Variants in DENND2B observed in about 807,000 individuals in gnomAD.
DENND2B encodes DENN domain-containing protein 2B.
In DENND2B, 32 loss-of-function variants were observed where a neutral mutation model predicts 116.0. The ratio of observed to expected loss-of-function variants is 0.28; its 90% CI spans 0.21 to 0.37. The LOEUF (loss-of-function observed/expected upper bound fraction) is 0.37, where lower values mean the gene tolerates loss of function less well. DENND2B is among the 10% of genes least tolerant of loss of function. The probability of loss-of-function intolerance (pLI) is 1.00; values close to 1 mark genes in which losing one functional copy is unlikely to be tolerated. For missense variants in DENND2B, 1,276 were observed against 1,477.7 expected (o/e 0.86, Z 2.24); for synonymous variants, 588 against 583.9 (o/e 1.01, Z -0.10).
At chr11:8,774,846 GTCT>G (rs1328918224) in intron 1 of DENND2B, among the ~76,000 whole-genome samples, 5 of 151,254 alleles carry the variant, frequency 3.3e-5, no homozygotes, top group Admixed American at 3.3e-4. Flanking sequence ...CCCTATCTAG[GTCT>G]TCTTATTTTT....
chr11:8,743,780 T>C (rs920402779), intron 2 of DENND2B, among the ~76,000 whole-genome samples: 19 of 151,274 alleles, frequency 1.3e-4, no homozygotes, highest in African/African-American at 4.6e-4. Flanking sequence ...TGAAACAAAG[T>C]CTGGCCCCCA....
chr11:8,721,430 T>G (rs78667995), intron 4 of DENND2B, among the ~76,000 whole-genome samples: 1 of 152,208 alleles, frequency 6.6e-6, no homozygotes, highest in African/African-American at 2.4e-5. Context: ...ACTGAGAATT[T>G]CTCCAAACAC....
chr11:8,738,260 G>A (rs1454472344), intron 2 of DENND2B, among the ~76,000 whole-genome samples: 2 of 152,144 alleles, frequency 1.3e-5, no homozygotes, highest in South Asian at 2.1e-4. Flanking sequence ...GCTGCTTTAC[G>A]CTTCAGTTGA....
rs759623023 is a variant in DENND2B at position 8,750,579 on chromosome 11, A to G, written c.80+42T>C. On this transcript the variant is annotated intron_variant, in intron 2 of 19. Coordinates refer to ENST00000313726, the MANE Select transcript of DENND2B (RefSeq NM_213618.2). The stretch of plus-strand genomic sequence containing the variant: ...TTTGGAGGGATCCCACCCAGGACCT[A>G]GGTCCCTTGATGCCACCTCCCACAA... 5 of 1,550,006 alleles carry G rather than the reference A, an allele frequency of 3.2e-6. No individual in the cohort carries two copies. The Admixed American group carries it at 8.4e-5, about 26-fold the overall frequency.
At chr11:8,889,265 G>T (rs148538379) in intron 1 of DENND2B, among the ~76,000 whole-genome samples, 1 of 152,218 alleles carries the variant, frequency 6.6e-6, no homozygotes, top group East Asian at 1.9e-4. Flanking sequence ...TGGACAGGTG[G>T]TTCCAAGATG....
chr11:8,743,445 G>A (rs1197672502), intron 2 of DENND2B, among the ~76,000 whole-genome samples: 1 of 152,106 alleles, frequency 6.6e-6, no homozygotes, highest in Admixed American at 6.5e-5. Context: ...AGCTACTTGG[G>A]AGGCTGAGGC....
Position 8,711,130 on chromosome 11 carries a change from C to T in DENND2B, c.2274G>A (p.Glu758=). The T allele has an allele frequency of 6.2e-7, 1 of 1,614,144 alleles. No individual in the cohort carries two copies. Among genetic ancestry groups the T allele is most frequent in the Non-Finnish European group, 8.5e-7 (1 of 1,180,002 alleles). The change falls in exon 10 of 20, where the codon GAG becomes GAA. Residue 758 remains glutamate (E), a synonymous_variant. Coordinates refer to ENST00000313726, the MANE Select transcript of DENND2B (RefSeq NM_213618.2). ...PDAKDWLPVS[E]YSSETFSFML... ...GCCAGGCCAGGCCTCACCTGCTATA[C>T]TCTGACACAGGAAGCCAGTCCTTGG... is the stretch of plus-strand genomic sequence containing the variant.
chr11:8,761,390 C>G (rs1406169724), intron 1 of DENND2B, among the ~76,000 whole-genome samples: 1 of 152,184 alleles, frequency 6.6e-6, no homozygotes, highest in Non-Finnish European at 1.5e-5. Context: ...AAAAACCCTG[C>G]TCCTGGGGAC....
chr11:8,714,463 C>A (rs1592592226), intron 7 of DENND2B, 147 bp downstream of exon 7: 1 of 691,414 alleles, frequency 1.4e-6, no homozygotes, highest in Non-Finnish European at 2.4e-6. Flanking sequence ...AGGAACCCAT[C>A]CCAGACCTTT....
intron 1 of DENND2B, among the ~76,000 whole-genome samples, chr11:8,897,103 A>T (rs183797544): frequency 0.047 from 6,484 of 137,024 alleles, 152 homozygotes; most frequent in Middle Eastern, 0.065. Flanking sequence ...TTTTTTTTTT[A>T]AAAACTAGCC....
chr11:8,713,199 C>T (rs960411870), intron 8 of DENND2B, among the ~76,000 whole-genome samples: 5 of 152,144 alleles, frequency 3.3e-5, no homozygotes, highest in African/African-American at 1.2e-4. Context: ...GTAGAGAAAG[C>T]ACAAAGATTT....
At chr11:8,744,479 G>A (rs1021153959) in intron 2 of DENND2B, among the ~76,000 whole-genome samples, 3 of 152,244 alleles carry the variant, frequency 2.0e-5, no homozygotes, top group African/African-American at 7.2e-5. Context: ...GGAGTAAAAA[G>A]AGCAGAGATA....
intron 5 of DENND2B, 146 bp downstream of exon 5, chr11:8,717,595 C>T (rs781260232): frequency 8.2e-5 from 77 of 933,884 alleles, no homozygotes; most frequent in Admixed American, 2.3e-4. Flanking sequence ...AGATCGGGCA[C>T]GTTCAGGGTG....
upstream of DENND2B, chr11:8,810,836 C>T (rs918597414): frequency 6.5e-6 from 1 of 153,042 alleles, no homozygotes; most frequent in African/African-American, 2.4e-5. Flanking sequence ...CTCTCTCTCT[C>T]TCTCAGTTCT....
chr11:8,768,850 T>C (rs1327633500), intron 1 of DENND2B: 1 of 152,324 alleles, frequency 6.6e-6, no homozygotes, highest in African/African-American at 2.4e-5. Flanking sequence ...CTCTTGTATA[T>C]TTTCATATTT....
intron 2 of DENND2B, among the ~76,000 whole-genome samples, chr11:8,735,538 T>C (rs1703938424): frequency 6.6e-6 from 1 of 152,268 alleles, no homozygotes; most frequent in South Asian, 2.1e-4. Context: ...CTGCGTATCA[T>C]TGGCCCATCC....
Position 8,714,750 on chromosome 11 carries a change from C to T in DENND2B, c.1846-44G>A, listed in dbSNP as rs547188933. On this transcript the variant is annotated intron_variant, in intron 6 of 19. Transcript: ENST00000313726. ...ATGGGTGAGGTAACCTTAACACCAG[C>T]TGCCCTACTTCCAAGAAGGCTGAGT... The T allele has an allele frequency of 1.1e-5, 17 of 1,543,794 alleles. No homozygotes were observed. In the Admixed American group the frequency reaches 2.8e-4, roughly 26 times the overall value.
At chr11:8,908,868 G>A (rs2064272414) in intron 1 of DENND2B, among the ~76,000 whole-genome samples, 3 of 152,150 alleles carry the variant, frequency 2.0e-5, no homozygotes, top group Admixed American at 1.3e-4. Context: ...CTAGGGCAGT[G>A]CCTGGCACAT....
chr11:8,709,944 C>T (rs2043299173), intron 11 of DENND2B, among the ~76,000 whole-genome samples: 1 of 152,196 alleles, frequency 6.6e-6, no homozygotes, highest in Non-Finnish European at 1.5e-5. Flanking sequence ...CCATGTTAAA[C>T]TCATCTTTAT....
Sources: gnomAD v4.1 joint callset for allele counts (sites outside exome capture counted in the v4.1 genomes callset) on GRCh38, gnomAD v4.1.1 for gene constraint, MANE v1.5 for transcripts, NCBI Gene and HGNC (gene_info 2026-07-23, HGNC 2026-07-21) for gene names.